TXLNB: variants seen among roughly 807,000 people sequenced by gnomAD.
TXLNB encodes taxilin beta.
In TXLNB, 37 loss-of-function variants were observed where a neutral mutation model predicts 57.4. That is an observed-to-expected ratio of 0.64 (90% CI 0.50 to 0.85). TXLNB has a LOEUF of 0.85. Ranked by LOEUF, TXLNB falls within the 40% of genes least tolerant of loss-of-function variation. The pLI is 0.00. For synonymous variants in TXLNB, 302 were observed against 309.6 expected, an observed-to-expected ratio of 0.98 and a Z score of 0.26; for missense variants, 848 against 825.6, an observed-to-expected ratio of 1.03 and a Z score of -0.33.
At chr6:139,268,654 A>G (rs1451022920) in intron 4 of TXLNB, among the ~76,000 whole-genome samples, 1 of 152,204 alleles carries the variant, frequency 6.6e-6, no homozygotes, top group Non-Finnish European at 1.5e-5. Context: ...CAGTTTCTTC[A>G]CCAATAAAGT....
At chr6:139,233,442 G>A in the TXLNB span, among the ~76,000 whole-genome samples, 45 of 143,326 alleles carry the variant, frequency 3.1e-4, 1 homozygote, top group Non-Finnish European at 6.1e-4. Context: ...TAGATAGATA[G>A]ATAGATATTT....
At chr6:139,193,452 G>A in the TXLNB span, among the ~76,000 whole-genome samples, 7 of 151,830 alleles carry the variant, frequency 4.6e-5, no homozygotes, top group Non-Finnish European at 1.0e-4. Context: ...GCTCAGCTGC[G>A]TCTCAGCTCC....
intron 4 of TXLNB, among the ~76,000 whole-genome samples, chr6:139,267,878 C>A (rs75547788): frequency 0.03 from 4,516 of 152,130 alleles, 238 homozygotes; most frequent in African/African-American, 0.1. Context: ...ACTGGTCGGG[C>A]GTGGTGGCTC....
chr6:139,230,545 T>A, the TXLNB span, among the ~76,000 whole-genome samples: 2 of 152,204 alleles, frequency 1.3e-5, no homozygotes, highest in African/African-American at 4.8e-5. Flanking sequence ...CAGGCCAGAA[T>A]CAATTTAGCC....
At chr6:139,230,965 G>C in the TXLNB span, among the ~76,000 whole-genome samples, 3 of 152,016 alleles carry the variant, frequency 2.0e-5, no homozygotes, top group East Asian at 1.9e-4. Flanking sequence ...CCTTACATAG[G>C]CTCCATTACT....
At chr6:139,196,390 T>C in the TXLNB span, among the ~76,000 whole-genome samples, 1 of 126,018 alleles carries the variant, frequency 7.9e-6, no homozygotes, top group Non-Finnish European at 1.6e-5. Flanking sequence ...TTTTTTTTTT[T>C]TGAGATGGAG....
chr6:139,233,792 A>C, the TXLNB span, among the ~76,000 whole-genome samples: 1 of 152,214 alleles, frequency 6.6e-6, no homozygotes, highest in Non-Finnish European at 1.5e-5. Context: ...AATTGTTACC[A>C]AGATAGTGGG....
At chr6:139,289,955 T>C (rs1248767779) in intron 1 of TXLNB, among the ~76,000 whole-genome samples, 1 of 152,230 alleles carries the variant, frequency 6.6e-6, no homozygotes, top group Non-Finnish European at 1.5e-5. Flanking sequence ...TTACACTGGA[T>C]AGAGGAGACA....
At chr6:139,202,944 A>G in the TXLNB span, among the ~76,000 whole-genome samples, 1 of 152,182 alleles carries the variant, frequency 6.6e-6, no homozygotes, top group African/African-American at 2.4e-5. Flanking sequence ...ATGAGTGAGA[A>G]CACACAGTAT....
At chr6:139,166,650 G>A in the TXLNB span, 1 of 1,614,160 alleles carries the variant, frequency 6.2e-7, no homozygotes, top group South Asian at 1.1e-5. Flanking sequence ...AACACAGGGA[G>A]GCCTCCTGGT....
the TXLNB span, among the ~76,000 whole-genome samples, chr6:139,211,587 A>G: frequency 6.6e-6 from 1 of 152,230 alleles, no homozygotes; most frequent in African/African-American, 2.4e-5. Context: ...CCTCCTCCAA[A>G]GGAACGCAGC....
chr6:139,316,091 T>C, the TXLNB span, among the ~76,000 whole-genome samples: 1 of 152,196 alleles, frequency 6.6e-6, no homozygotes, highest in East Asian at 1.9e-4. Flanking sequence ...CAGAGAAGAA[T>C]GTAAAAATCT....
intron 7 of TXLNB, among the ~76,000 whole-genome samples, chr6:139,250,003 G>A (rs9495394): frequency 0.48 from 73,198 of 151,532 alleles, 21,130 homozygotes; most frequent in African/African-American, 0.82. Context: ...ATAAGACAAT[G>A]TTTACTGTGG....
chr6:139,308,305 C>G, the TXLNB span, among the ~76,000 whole-genome samples: 1 of 152,150 alleles, frequency 6.6e-6, no homozygotes, highest in Admixed American at 6.5e-5. Context: ...AACTACCTGC[C>G]TGGTTGCAAA....
chr6:139,193,658 CT>C, the TXLNB span, among the ~76,000 whole-genome samples: 84,202 of 142,886 alleles, frequency 0.59, 25,563 homozygotes, highest in Non-Finnish European at 0.63. Flanking sequence ...CATCTTCTCA[CT>C]TTTTTTTTTT....
At chr6:139,295,278 C>A (rs1267733180), upstream of TXLNB, among the ~76,000 whole-genome samples, 1 of 152,132 alleles carries the variant, frequency 6.6e-6, no homozygotes, top group Non-Finnish European at 1.5e-5. Flanking sequence ...CTGATAGGGG[C>A]CCAAAAAACT....
chr6:139,290,207 C>T (rs1430648426), intron 1 of TXLNB, among the ~76,000 whole-genome samples: 1 of 152,100 alleles, frequency 6.6e-6, no homozygotes, highest in East Asian at 1.9e-4. Context: ...TGGTGAAACC[C>T]TGTCTCTACT....
chr6:139,255,513 A>T lies in TXLNB; in HGVS notation c.1077+51T>A, dbSNP rs553328654. 5.9e-6 allele frequency: 9 copies of T among 1,528,504 alleles called. No homozygotes were observed. The East Asian group carries it at 1.8e-4, about 31-fold the overall frequency. The allele number at this position is 1,528,504 out of a possible 1,614,324, so 94.7% of individuals were successfully genotyped here. A position where few individuals can be genotyped will look rare whatever the true frequency, so the allele number is the denominator to read the frequency against. Reference sequence around the variant, plus strand: ...GCCCACCTTTGGCCCCAGCCTTTTTATCTGGGGACAGTGAGGACAGCACCC... The same window carrying T: ...GCCCACCTTTGGCCCCAGCCTTTTTTTCTGGGGACAGTGAGGACAGCACCC... On this transcript the variant is annotated intron_variant, in intron 7 of 9. Coordinates refer to ENST00000358430, the MANE Select transcript of TXLNB (RefSeq NM_153235.4).
chr6:139,313,008 C>T, the TXLNB span, among the ~76,000 whole-genome samples: 1 of 152,166 alleles, frequency 6.6e-6, no homozygotes, highest in African/African-American at 2.4e-5. Context: ...TTCAGTTACT[C>T]ATCCCTGAGT....
Sources: gnomAD v4.1 joint callset for allele counts (sites outside exome capture counted in the v4.1 genomes callset) on GRCh38, gnomAD v4.1.1 for gene constraint, MANE v1.5 for transcripts, NCBI Gene and HGNC (gene_info 2026-07-23, HGNC 2026-07-21) for gene names.